SHISA9: variants seen among roughly 807,000 people sequenced by gnomAD.
The protein encoded by SHISA9 is shisa family member 9.
SHISA9 carries 13 observed loss-of-function variants against 38.0 expected under a neutral mutation model. That is an observed-to-expected ratio of 0.34 (90% CI 0.22 to 0.54). The LOEUF (loss-of-function observed/expected upper bound fraction) is 0.54. Among genes scored for constraint, SHISA9 ranks in the 20% least tolerant of loss-of-function variants. SHISA9 has a pLI of 0.91. For missense variants in SHISA9, 538 were observed against 575.8 expected (o/e 0.93, Z 0.67); for synonymous variants, 275 against 242.0 (o/e 1.14, Z -1.27).
intron 2 of SHISA9, among the ~76,000 whole-genome samples, chr16:12,995,245 T>C (rs1051607243): frequency 6.6e-6 from 1 of 152,176 alleles, no homozygotes; most frequent in Non-Finnish European, 1.5e-5. Context: ...ATTTACACTC[T>C]TTTAATTAGT....
At chr16:13,382,249 T>G in the SHISA9 span, among the ~76,000 whole-genome samples, 1 of 152,264 alleles carries the variant, frequency 6.6e-6, no homozygotes, top group Non-Finnish European at 1.5e-5. Flanking sequence ...TTATTATGAC[T>G]GGGCACAGTG....
At chr16:13,459,629 A>T in the SHISA9 span, among the ~76,000 whole-genome samples, 1 of 152,118 alleles carries the variant, frequency 6.6e-6, no homozygotes, top group Non-Finnish European at 1.5e-5. Flanking sequence ...CAGATGGGTA[A>T]AGTATGCATA....
chr16:13,364,554 A>G, the SHISA9 span, among the ~76,000 whole-genome samples: 9 of 152,358 alleles, frequency 5.9e-5, no homozygotes, highest in South Asian at 1.7e-3. Flanking sequence ...CATATAGACA[A>G]TATTAAACAG....
intron 2 of SHISA9, among the ~76,000 whole-genome samples, chr16:13,194,399 C>G (rs2050917287): frequency 6.6e-6 from 1 of 152,194 alleles, no homozygotes; most frequent in African/African-American, 2.4e-5. Context: ...CTGTCAGGTT[C>G]AAAGCTTGGC....
chr16:13,464,856 A>C, the SHISA9 span, among the ~76,000 whole-genome samples: 193 of 152,020 alleles, frequency 1.3e-3, no homozygotes, highest in African/African-American at 4.3e-3. Context: ...GTTCAGAAAA[A>C]TAAAGACATG....
At chr16:12,950,875 T>A (rs1165494921) in intron 2 of SHISA9, among the ~76,000 whole-genome samples, 2 of 151,794 alleles carry the variant, frequency 1.3e-5, no homozygotes, top group Non-Finnish European at 2.9e-5. Context: ...CCAAAAGTGC[T>A]GGGATTACAG....
chr16:13,412,342 G>A, the SHISA9 span, among the ~76,000 whole-genome samples: 1 of 152,166 alleles, frequency 6.6e-6, no homozygotes, highest in Non-Finnish European at 1.5e-5. Flanking sequence ...AAATAGGGAT[G>A]TTAGAGACAG....
intron 2 of SHISA9, among the ~76,000 whole-genome samples, chr16:13,169,083 A>T (rs1368989052): frequency 6.6e-6 from 1 of 152,114 alleles, no homozygotes; most frequent in Non-Finnish European, 1.5e-5. Context: ...AATGACCCCT[A>T]CGGAAGACCT....
chr16:13,327,509 G>A, the SHISA9 span, among the ~76,000 whole-genome samples: 1 of 152,008 alleles, frequency 6.6e-6, no homozygotes. Context: ...CCAGACACTC[G>A]GGAGACTGAG....
intron 2 of SHISA9, among the ~76,000 whole-genome samples, chr16:13,056,914 G>A (rs558908945): frequency 1.2e-4 from 19 of 152,358 alleles, no homozygotes; most frequent in African/African-American, 4.6e-4. Context: ...AGTAGACACA[G>A]CGGGGCTTAG....
chr16:13,254,311 C>T, the SHISA9 span, among the ~76,000 whole-genome samples: 6 of 152,136 alleles, frequency 3.9e-5, no homozygotes, highest in African/African-American at 1.2e-4. Context: ...ATCATCTGGT[C>T]CAAAACTTTC....
chr16:13,223,956 G>C (rs1339254524), intron 4 of SHISA9, among the ~76,000 whole-genome samples: 2 of 152,230 alleles, frequency 1.3e-5, no homozygotes, highest in Admixed American at 6.5e-5. Flanking sequence ...GTGGAGCCAG[G>C]TGTCCTGGGT....
At chr16:13,467,962 A>G in the SHISA9 span, among the ~76,000 whole-genome samples, 1 of 152,214 alleles carries the variant, frequency 6.6e-6, no homozygotes, top group Non-Finnish European at 1.5e-5. Flanking sequence ...GCTATCCTTC[A>G]TGGTGTTTTA....
At chr16:12,974,479 GTTTTTT>G (rs58309847) in intron 2 of SHISA9, among the ~76,000 whole-genome samples, 89 of 91,788 alleles carry the variant, frequency 9.7e-4, no homozygotes, top group African/African-American at 3.3e-3. Context: ...ATTTCTGGTG[GTTTTTT>G]TTTTTTTTTT....
chr16:13,392,630 C>G, the SHISA9 span, among the ~76,000 whole-genome samples: 1 of 152,244 alleles, frequency 6.6e-6, no homozygotes, highest in South Asian at 2.1e-4. Flanking sequence ...AAGCATAGGT[C>G]TTAGGTCTCT....
chr16:13,009,280 C>T (rs1166289849), intron 2 of SHISA9, among the ~76,000 whole-genome samples: 1 of 152,078 alleles, frequency 6.6e-6, no homozygotes, highest in Non-Finnish European at 1.5e-5. Flanking sequence ...GGTTCAGAAC[C>T]ACTGTGGCTT....
the SHISA9 span, among the ~76,000 whole-genome samples, chr16:13,323,611 G>A: frequency 6.6e-6 from 1 of 152,184 alleles, no homozygotes; most frequent in Non-Finnish European, 1.5e-5. Context: ...TTGACTCACA[G>A]TTCCGCACGC....
At chr16:13,229,111 G>C (rs922668350) in intron 4 of SHISA9, among the ~76,000 whole-genome samples, 1 of 152,220 alleles carries the variant, frequency 6.6e-6, no homozygotes, top group African/African-American at 2.4e-5. Context: ...AGTGAGCTAA[G>C]ACTGTGCCAC....
intron 2 of SHISA9, among the ~76,000 whole-genome samples, chr16:12,920,136 G>A (rs1032752711): frequency 6.6e-6 from 1 of 150,890 alleles, no homozygotes; most frequent in Non-Finnish European, 1.5e-5. Flanking sequence ...TGTGTTCACA[G>A]CACACTTCTT....
Sources: gnomAD v4.1 joint callset for allele counts (sites outside exome capture counted in the v4.1 genomes callset) on GRCh38, gnomAD v4.1.1 for gene constraint, MANE v1.5 for transcripts, NCBI Gene and HGNC (gene_info 2026-07-23, HGNC 2026-07-21) for gene names.